SYNPO2: variants seen among roughly 807,000 people sequenced by gnomAD.
The protein encoded by SYNPO2 is synaptopodin-2.
A neutral mutation model predicts 85.0 loss-of-function variants in SYNPO2; 56 were observed. That is an observed-to-expected ratio of 0.66 (90% CI 0.53 to 0.82). SYNPO2 has a LOEUF of 0.82. Ranked by LOEUF, SYNPO2 falls within the 40% of genes least tolerant of loss-of-function variation. SYNPO2 has a pLI of 0.00. For synonymous variants in SYNPO2, 602 were observed against 591.1 expected (o/e 1.02, Z -0.27); for missense variants, 1,575 against 1,534.2 (o/e 1.03, Z -0.44).
chr4:119,034,499 C>T (rs1738417523), intron 4 of SYNPO2: 3 of 985,254 alleles, frequency 3.0e-6, no homozygotes, highest in Admixed American at 6.2e-5. Flanking sequence ...TCTGGTCATC[C>T]TAGGACTATT....
At chr4:118,890,697 T>TTC (rs796242049) in intron 1 of SYNPO2, among the ~76,000 whole-genome samples, 2,188 of 81,814 alleles carry the variant, frequency 0.027, 82 homozygotes, top group African/African-American at 0.063. Context: ...TCTCATCGGT[T>TTC]TCTCTCTCTC....
intron 4 of SYNPO2, chr4:119,036,245 C>T (rs988378803): frequency 2.0e-6 from 2 of 985,328 alleles, no homozygotes; most frequent in Non-Finnish European, 2.4e-6. Flanking sequence ...AGAGGGAAGT[C>T]GTGGGGCGTG....
chr4:119,033,797 C>T, intron 4 of SYNPO2: 1 of 984,444 alleles, frequency 1.0e-6, no homozygotes, highest in African/African-American at 1.7e-5. Context: ...TAAATAATTT[C>T]TCTGATATTT....
At chr4:119,049,150 T>C (rs766588237) in intron 4 of SYNPO2, among the ~76,000 whole-genome samples, 1 of 152,128 alleles carries the variant, frequency 6.6e-6, no homozygotes, top group South Asian at 2.1e-4. Flanking sequence ...GAGTGTGAGA[T>C]GGAGAGCAGT....
chr4:119,009,717 G>C (rs939501388), intron 1 of SYNPO2, among the ~76,000 whole-genome samples: 1 of 152,134 alleles, frequency 6.6e-6, no homozygotes, highest in Non-Finnish European at 1.5e-5. Context: ...ATAAAAGCAG[G>C]GTTCTGTACT....
At chr4:118,989,320 A>G (rs1205196225) in intron 1 of SYNPO2, among the ~76,000 whole-genome samples, 1 of 152,208 alleles carries the variant, frequency 6.6e-6, no homozygotes, top group Non-Finnish European at 1.5e-5. Flanking sequence ...CAGCATGTGA[A>G]GAGGTTTCTG....
At chr4:118,987,116 G>A (rs1467893253) in intron 1 of SYNPO2, among the ~76,000 whole-genome samples, 1 of 152,112 alleles carries the variant, frequency 6.6e-6, no homozygotes, top group Non-Finnish European at 1.5e-5. Context: ...GTTATTTTTA[G>A]ATATCTAAAT....
intron 1 of SYNPO2, among the ~76,000 whole-genome samples, chr4:118,981,695 G>A (rs949364922): frequency 5.3e-5 from 8 of 152,058 alleles, no homozygotes; most frequent in African/African-American, 1.9e-4. Context: ...TAGTCCTCCC[G>A]GTCACATGCA....
At chr4:119,057,314 C>T in intron 4 of SYNPO2, 87 bp from the exon 5 acceptor site, 1 of 1,304,128 alleles carries the variant, frequency 7.7e-7, no homozygotes, top group Non-Finnish European at 1.0e-6. Context: ...TTTTGCAGTG[C>T]TTGGTAATGG....
intron 4 of SYNPO2, among the ~76,000 whole-genome samples, chr4:119,038,723 A>AC (rs1450562508): frequency 1.3e-5 from 2 of 152,286 alleles, no homozygotes; most frequent in East Asian, 3.9e-4. Context: ...AAAAAGAGTT[A>AC]CCCCTGGAAT....
intron 1 of SYNPO2, among the ~76,000 whole-genome samples, chr4:118,948,579 G>C (rs1177791656): frequency 1.3e-5 from 2 of 152,166 alleles, no homozygotes; most frequent in Admixed American, 1.3e-4. Flanking sequence ...TGTGGCACCA[G>C]CATCTGCTTC....
chr4:119,054,152 C>T (rs1739136867), intron 4 of SYNPO2, among the ~76,000 whole-genome samples: 1 of 152,248 alleles, frequency 6.6e-6, no homozygotes, highest in Non-Finnish European at 1.5e-5. Context: ...TGGCTGGCCA[C>T]TCCGGGCGCC....
At position 119,057,967 on chromosome 4, in the gene SYNPO2, G is replaced by GT; in HGVS notation, c.*39dup. ...AAGAACGGATCATGTGCCAACTGTA[G>GT]TTTTTTAAAAAAAACGCTCCTTTGT... On this transcript the variant is annotated 3_prime_UTR_variant, in exon 5 of 5. Coordinates refer to ENST00000307142, the MANE Select transcript of SYNPO2 (RefSeq NM_133477.3). The GT allele has an allele frequency of 3.2e-6, 5 of 1,554,912 alleles. No individual in the cohort carries two copies. Among genetic ancestry groups the GT allele is most frequent in the Non-Finnish European group, 4.3e-6 (5 of 1,159,224 alleles).
intron 4 of SYNPO2, chr4:119,036,053 G>C (rs1363581681): frequency 9.1e-6 from 9 of 985,260 alleles, no homozygotes; most frequent in Non-Finnish European, 1.1e-5. Flanking sequence ...GCCCTTGGCT[G>C]CGTATCATTT....
chr4:119,044,833 T>G (rs1190021405), intron 4 of SYNPO2, among the ~76,000 whole-genome samples: 1 of 152,230 alleles, frequency 6.6e-6, no homozygotes, highest in Non-Finnish European at 1.5e-5. Flanking sequence ...AAAGGCCAAC[T>G]CAGTCATTTT....
rs755294373 is a variant in SYNPO2 at position 119,027,109 on chromosome 4, A to G, written c.740A>G (p.Asn247Ser). The G allele has an allele frequency of 1.2e-6, 2 of 1,614,014 alleles. No homozygotes were observed. ...GTCCACATAAATTCGATCCCTACTA[A>G]TGAGAAAGCAGACCCTTTCCTGAGG... The part of the protein sequence containing the change: ...RIVHINSIPT[N>S]EKADPFLRSS... Residue 247 changes from asparagine to serine, a missense_variant, in exon 3 of 5, where the codon AAT becomes AGT. Coordinates refer to ENST00000307142, the MANE Select transcript of SYNPO2 (RefSeq NM_133477.3).
intron 1 of SYNPO2, among the ~76,000 whole-genome samples, chr4:118,952,172 T>A (rs1162639094): frequency 6.6e-6 from 1 of 152,234 alleles, no homozygotes; most frequent in Admixed American, 6.5e-5. Context: ...CTTGCACTAC[T>A]TTGAAGATTA....
intron 1 of SYNPO2, among the ~76,000 whole-genome samples, chr4:118,893,038 G>C (rs1732427889): frequency 6.6e-6 from 1 of 152,080 alleles, no homozygotes; most frequent in African/African-American, 2.4e-5. Context: ...GGGGGAAAAA[G>C]ATTTTAATGT....
chr4:118,958,803 T>C (rs1734969709), intron 1 of SYNPO2, among the ~76,000 whole-genome samples: 1 of 152,192 alleles, frequency 6.6e-6, no homozygotes. Flanking sequence ...TTCCCTCAGA[T>C]GGCTCCCCAT....
Sources: allele counts gnomAD v4.1 joint callset (sites outside exome capture counted in the v4.1 genomes callset), GRCh38; gene constraint gnomAD v4.1.1; transcripts MANE v1.5; gene names NCBI Gene and HGNC (gene_info 2026-07-23, HGNC 2026-07-21).